ATF7IP: variants seen among roughly 807,000 people sequenced by gnomAD.
ATF7IP encodes the protein activating transcription factor 7 interacting protein.
A neutral mutation model predicts 106.4 loss-of-function variants in ATF7IP; 23 were observed. The observed-to-expected ratio is 0.22, with a 90% CI of 0.16 to 0.31. The LOEUF (loss-of-function observed/expected upper bound fraction) is 0.31. Among genes scored for constraint, ATF7IP ranks in the 10% least tolerant of loss-of-function variants. ATF7IP has a pLI of 1.00. For missense variants in ATF7IP, 1,334 were observed against 1,524.3 expected, an observed-to-expected ratio of 0.88 and a Z score of 2.08; for synonymous variants, 542 against 539.0, an observed-to-expected ratio of 1.01 and a Z score of -0.08.
At chr12:14,432,911 T>G (rs1942211578) in intron 2 of ATF7IP, among the ~76,000 whole-genome samples, 1 of 152,196 alleles carries the variant, frequency 6.6e-6, no homozygotes, top group Non-Finnish European at 1.5e-5. Context: ...GTAGCTCCCT[T>G]ATTCCTCATT....
intron 10 of ATF7IP, among the ~76,000 whole-genome samples, chr12:14,473,256 T>A (rs1378149496): frequency 6.6e-6 from 1 of 150,530 alleles, no homozygotes; most frequent in Non-Finnish European, 1.5e-5. Flanking sequence ...TCTTAATTCC[T>A]CTGTTAGCTT....
In ATF7IP at chr12:14,498,343, A is replaced by G. The variant is rs924278496; in HGVS notation, c.*270A>G. ...GGCTGGGGAATATGTGTGGGTGTTT[A>G]TGTGTGTTTTTCCTTATGTAGGTGT... On this transcript the variant is annotated 3_prime_UTR_variant, in exon 15 of 15. Coordinates refer to ENST00000261168, the MANE Select transcript of ATF7IP (RefSeq NM_018179.5). 2.8e-6 allele frequency: 1 copy of G among 362,980 alleles called. No homozygotes were observed. Among genetic ancestry groups the G allele is most frequent in the South Asian group, 7.3e-5 (1 of 13,612 alleles). 22.5% of individuals were successfully genotyped at this position (362,980 alleles called of 1,614,324 possible).
chr12:14,492,894 C>A (rs1242890748), intron 13 of ATF7IP, among the ~76,000 whole-genome samples: 1 of 152,194 alleles, frequency 6.6e-6, no homozygotes, highest in East Asian at 1.9e-4. Context: ...GATTCAGGTG[C>A]TGCCCTCACA....
At chr12:14,478,578 T>TA (rs1442987314) in intron 12 of ATF7IP, 106 bp downstream of exon 12, 1 of 1,347,534 alleles carries the variant, frequency 7.4e-7, no homozygotes, top group African/African-American at 1.5e-5. Flanking sequence ...TTCATCTTGT[T>TA]AATTTGAGGA....
intron 13 of ATF7IP, among the ~76,000 whole-genome samples, chr12:14,488,887 T>C (rs1250797585): frequency 6.6e-6 from 1 of 152,166 alleles, no homozygotes; most frequent in Non-Finnish European, 1.5e-5. Context: ...AATAAAGACA[T>C]TTTGTTTGTA....
intron 10 of ATF7IP, among the ~76,000 whole-genome samples, chr12:14,471,980 C>G (rs542113944): frequency 6.6e-6 from 1 of 152,100 alleles, no homozygotes; most frequent in Non-Finnish European, 1.5e-5. Context: ...GAATGCAGAT[C>G]TAACAATTGA....
At chr12:14,405,408 T>C (rs1296013346) in intron 1 of ATF7IP, among the ~76,000 whole-genome samples, 5 of 36,274 alleles carry the variant, frequency 1.4e-4, no homozygotes, top group Non-Finnish European at 2.5e-4. Context: ...TTCATCTTTT[T>C]TTTTTTTTTT....
At chr12:14,491,213 C>G (rs1944809806) in intron 13 of ATF7IP, among the ~76,000 whole-genome samples, 1 of 152,216 alleles carries the variant, frequency 6.6e-6, no homozygotes, top group African/African-American at 2.4e-5. Context: ...ACACTCAAAA[C>G]TGGCAGCCTT....
intron 13 of ATF7IP, among the ~76,000 whole-genome samples, chr12:14,491,521 CA>C (rs1591973677): frequency 1.3e-5 from 2 of 152,158 alleles, no homozygotes; most frequent in African/African-American, 4.8e-5. Flanking sequence ...CTCACTTGAT[CA>C]ATCAGAATAA....
intron 13 of ATF7IP, chr12:14,482,226 T>A (rs1944454794): frequency 6.6e-6 from 1 of 152,260 alleles, no homozygotes; most frequent in Non-Finnish European, 1.5e-5. Flanking sequence ...CTTTTCTTTA[T>A]GATTTTGCCA....
intron 13 of ATF7IP, among the ~76,000 whole-genome samples, chr12:14,490,870 G>T (rs748191451): frequency 6.6e-6 from 1 of 152,150 alleles, no homozygotes; most frequent in Non-Finnish European, 1.5e-5. Flanking sequence ...ATGGCTAAGT[G>T]GGTCAGAAAG....
chr12:14,372,492 G>C (rs1938572422), intron 1 of ATF7IP, among the ~76,000 whole-genome samples: 1 of 151,758 alleles, frequency 6.6e-6, no homozygotes, highest in Non-Finnish European at 1.5e-5. Context: ...TAGGCCTAAG[G>C]GAACAGTTAT....
chr12:14,431,714 C>T (rs1286602948), intron 2 of ATF7IP, among the ~76,000 whole-genome samples: 1 of 152,042 alleles, frequency 6.6e-6, no homozygotes, highest in Non-Finnish European at 1.5e-5. Flanking sequence ...CATTGTTAAC[C>T]TACTATTTGG....
chr12:14,502,271 T>C lies in ATF7IP; in HGVS notation c.*4198T>C, dbSNP rs558431406. On this transcript the variant is annotated 3_prime_UTR_variant, in exon 15 of 15. Coordinates refer to ENST00000261168, the MANE Select transcript of ATF7IP (RefSeq NM_018179.5). ...CCTATTTTTTTAATTATTATTATTT[T>C]TAACTTTTGGGACACACAAAAATCA... 2.6e-5 allele frequency: 4 copies of C among 152,304 alleles called. No individual in the cohort carries two copies. In the South Asian group the frequency reaches 8.3e-4, roughly 32 times the overall value. The allele number at this position is 152,304 out of a possible 1,614,324, so 9.4% of individuals were successfully genotyped here.
chr12:14,456,227 A>G (rs182460792), intron 6 of ATF7IP, among the ~76,000 whole-genome samples: 1 of 152,118 alleles, frequency 6.6e-6, no homozygotes, highest in Non-Finnish European at 1.5e-5. Flanking sequence ...TATTCTTTAG[A>G]TTTATATTGT....
At chr12:14,407,900 G>A (rs1940690431) in intron 1 of ATF7IP, among the ~76,000 whole-genome samples, 1 of 151,974 alleles carries the variant, frequency 6.6e-6, no homozygotes, top group Admixed American at 6.6e-5. Flanking sequence ...GCTTTGGTAA[G>A]TTATTTAAGC....
chr12:14,459,729 C>CTA (rs1186521381), intron 8 of ATF7IP, among the ~76,000 whole-genome samples: 5 of 152,198 alleles, frequency 3.3e-5, no homozygotes, highest in African/African-American at 1.2e-4. Flanking sequence ...TTTGGAAAGA[C>CTA]TATAAATCAA....
intron 8 of ATF7IP, among the ~76,000 whole-genome samples, chr12:14,458,862 A>T (rs916764405): frequency 6.6e-6 from 1 of 151,992 alleles, no homozygotes; most frequent in Admixed American, 6.6e-5. Flanking sequence ...TTGCACTTGG[A>T]TGGAGTTTTA....
In ATF7IP at chr12:14,501,343, T is replaced by C. The variant is rs747617890; in HGVS notation, c.*3270T>C. On this transcript the variant is annotated 3_prime_UTR_variant, in exon 15 of 15. Coordinates refer to ENST00000261168, the MANE Select transcript of ATF7IP (RefSeq NM_018179.5). ...GGAAACCTGATACTGCAACCTGCAA[T>C]GTAGGATGTTTGTATGGCATTTAAA... is the stretch of plus-strand genomic sequence containing the variant. 1.3e-5 allele frequency: 2 copies of C among 152,188 alleles called. No individual in the cohort carries two copies. Among genetic ancestry groups the C allele is most frequent in the African/African-American group, 4.8e-5 (2 of 41,450 alleles). The allele number at this position is 152,188 out of a possible 1,614,324, so 9.4% of individuals were successfully genotyped here.
Sources: gnomAD v4.1 joint callset for allele counts (sites outside exome capture counted in the v4.1 genomes callset) on GRCh38, gnomAD v4.1.1 for gene constraint, MANE v1.5 for transcripts, NCBI Gene and HGNC (gene_info 2026-07-23, HGNC 2026-07-21) for gene names.